The following TESPA1 variants were observed in gnomAD, a reference collection of about 807,000 sequenced individuals.
The protein encoded by TESPA1 is protein TESPA1.
In TESPA1, 33 loss-of-function variants were observed where a neutral mutation model predicts 57.9. The observed-to-expected ratio is 0.57, with a 90% CI of 0.43 to 0.76. The LOEUF (loss-of-function observed/expected upper bound fraction) is 0.76. TESPA1 is among the 30% of genes least tolerant of loss of function. The probability of loss-of-function intolerance (pLI) is 0.00; values close to 1 mark genes in which losing one functional copy is unlikely to be tolerated. For synonymous variants in TESPA1, 227 were observed against 228.9 expected, an observed-to-expected ratio of 0.99 and a Z score of 0.07; for missense variants, 618 against 632.9, an observed-to-expected ratio of 0.98 and a Z score of 0.25.
intron 1 of TESPA1, among the ~76,000 whole-genome samples, chr12:54,980,499 T>C (rs1375264229): frequency 6.6e-6 from 1 of 152,160 alleles, no homozygotes; most frequent in Non-Finnish European, 1.5e-5. Context: ...CACAGAGCAA[T>C]GAGAGCTGAT....
chr12:54,979,861 G>A (rs1219158349), intron 1 of TESPA1, among the ~76,000 whole-genome samples: 1 of 152,108 alleles, frequency 6.6e-6, no homozygotes, highest in Admixed American at 6.5e-5. Context: ...CATTGACACG[G>A]GCAAGTCAAA....
intron 1 of TESPA1, among the ~76,000 whole-genome samples, chr12:54,979,965 T>C (rs1321916979): frequency 5.9e-5 from 9 of 152,170 alleles, no homozygotes; most frequent in Admixed American, 4.6e-4. Context: ...TGACAACCAC[T>C]TTAGAGCTGA....
chr12:54,955,456 T>C (rs1293766572), intron 10 of TESPA1, among the ~76,000 whole-genome samples: 1 of 152,204 alleles, frequency 6.6e-6, no homozygotes, highest in Non-Finnish European at 1.5e-5. Context: ...GTCTTAAAAA[T>C]ATGAGGTTTA....
intron 10 of TESPA1, among the ~76,000 whole-genome samples, chr12:54,954,375 T>A (rs1423468166): frequency 1.3e-5 from 2 of 152,240 alleles, no homozygotes; most frequent in East Asian, 3.8e-4. Flanking sequence ...TTCTGTATCT[T>A]CTTTTCTCTT....
At chr12:54,950,753 T>C (rs1950334396) in intron 10 of TESPA1, among the ~76,000 whole-genome samples, 1 of 152,316 alleles carries the variant, frequency 6.6e-6, no homozygotes, top group Admixed American at 6.5e-5. Flanking sequence ...CAACTAGCAA[T>C]GCATTTTCTA....
Position 54,966,067 on chromosome 12 carries a change from G to A in TESPA1, c.432C>T (p.Asn144=), listed in dbSNP as rs971571612. Residue 144 remains asparagine, a synonymous_variant, in exon 7 of 11, where the codon AAC becomes AAT. Coordinates refer to ENST00000449076, the MANE Select transcript of TESPA1 (RefSeq NM_001136030.3). ...LASSSMTGGT[N]KTSSSISEIL... ...TCAGTACCTACCTTGAACTAGTCTT[G>A]TTGGTCCCCCCAGTCATGCTGCTGG... The A allele has an allele frequency of 6.4e-7, 1 of 1,574,552 alleles. No individual in the cohort carries two copies. Among genetic ancestry groups the A allele is most frequent in the Non-Finnish European group, 8.6e-7 (1 of 1,158,864 alleles).
upstream of TESPA1, among the ~76,000 whole-genome samples, chr12:54,984,970 A>T (rs553542162): frequency 1.3e-4 from 20 of 152,348 alleles, no homozygotes; most frequent in Non-Finnish European, 2.4e-4. Context: ...GCAAAGGTAC[A>T]GTCCATTTAA....
intron 2 of TESPA1, 89 bp from the exon 3 acceptor site, chr12:54,973,608 T>C: frequency 6.2e-7 from 1 of 1,604,200 alleles, no homozygotes; most frequent in Non-Finnish European, 8.5e-7. Flanking sequence ...AGTTTATTCT[T>C]ACATAAGCTG....
At chr12:54,955,737 C>T (rs1383916945) in intron 10 of TESPA1, among the ~76,000 whole-genome samples, 1 of 152,132 alleles carries the variant, frequency 6.6e-6, no homozygotes, top group Admixed American at 6.5e-5. Context: ...ATAAAACTTT[C>T]TTTCTTTTAC....
chr12:54,967,256 G>C lies in TESPA1; in HGVS notation c.257-20C>G. 6.2e-7 allele frequency: 1 copy of C among 1,611,054 alleles called. No individual in the cohort carries two copies. The highest frequency in any genetic ancestry group is 8.5e-7 in the Non-Finnish European group (1 of 1,178,986). ...AGAAGCCTGTCCAATAATCAGGTGA[G>C]GGTCACAGAAAACCAGGATGGAACA... is the stretch of plus-strand genomic sequence containing the variant. On this transcript the variant is annotated intron_variant, in intron 4 of 10. Coordinates refer to ENST00000449076, the MANE Select transcript of TESPA1 (RefSeq NM_001136030.3).
At chr12:54,957,773 A>G (rs1379185486) in intron 10 of TESPA1, among the ~76,000 whole-genome samples, 1 of 152,256 alleles carries the variant, frequency 6.6e-6, no homozygotes, top group Non-Finnish European at 1.5e-5. Flanking sequence ...CATTTAATTT[A>G]TAAAGTTATG....
chr12:54,964,560 T>G (rs1450860117), intron 7 of TESPA1, among the ~76,000 whole-genome samples: 1 of 152,240 alleles, frequency 6.6e-6, no homozygotes, highest in African/African-American at 2.4e-5. Context: ...GATTTATGTC[T>G]AAATCGGAGT....
At position 54,966,099 on chromosome 12, in the gene TESPA1, A is replaced by T; in HGVS notation, c.400T>A (p.Leu134Met). The change falls in exon 7 of 11, where the codon TTG (leucine) becomes ATG (methionine). Residue 134 changes from leucine to methionine, a missense_variant. Transcript: ENST00000449076. ...PCQLLDLGCS[L>M]ASSSMTGGTN... ...CCCCCAGTCATGCTGCTGGAAGCCA[A>T]ACTACAGCCAAGATCAAGTAGCTGG... The T allele has an allele frequency of 6.3e-7, 1 of 1,578,396 alleles. No homozygotes were observed. Among genetic ancestry groups the T allele is most frequent in the Non-Finnish European group, 8.6e-7 (1 of 1,161,040 alleles).
At chr12:54,953,815 C>T (rs185206786) in intron 10 of TESPA1, among the ~76,000 whole-genome samples, 107 of 152,122 alleles carry the variant, frequency 7.0e-4, no homozygotes, top group Non-Finnish European at 1.3e-3. Flanking sequence ...CCACCGTGCC[C>T]GGCCTACCTT....
In TESPA1 at chr12:54,966,170, A is replaced by T. The variant is rs1325358874; in HGVS notation, c.348-19T>A. The T allele has an allele frequency of 1.9e-6, 3 of 1,563,812 alleles. No individual in the cohort carries two copies. Among genetic ancestry groups the T allele is most frequent in the Non-Finnish European group, 2.6e-6 (3 of 1,153,570 alleles). ...GAAACTCCTGCAGAGATCAAAGCTG[A>T]TGTCATACAAATCTTGTTTCCAGTC... On this transcript the variant is annotated intron_variant, in intron 6 of 10. Coordinates refer to ENST00000449076, the MANE Select transcript of TESPA1 (RefSeq NM_001136030.3).
At chr12:54,953,664 A>G (rs1249320288) in intron 10 of TESPA1, among the ~76,000 whole-genome samples, 1 of 148,664 alleles carries the variant, frequency 6.7e-6, no homozygotes, top group South Asian at 2.1e-4. Context: ...GACTACAGGG[A>G]CCCGCCACTA....
Position 54,963,258 on chromosome 12 carries a change from A to C in TESPA1, c.656-16T>G. The C allele has an allele frequency of 6.3e-7, 1 of 1,594,982 alleles. No individual in the cohort carries two copies. Among genetic ancestry groups the C allele is most frequent in the Non-Finnish European group, 8.5e-7 (1 of 1,170,338 alleles). On this transcript the variant is annotated splice_polypyrimidine_tract_variant and intron_variant, in intron 8 of 10. Transcript: ENST00000449076. ...TTAAACCTGCCTGGGTACAAGAGTTAAAGATGGTAAGTCTGGGGTTCATCA... is the reference window on the plus strand; with the variant it reads ...TTAAACCTGCCTGGGTACAAGAGTTCAAGATGGTAAGTCTGGGGTTCATCA...
Position 54,962,761 on chromosome 12 carries a change from G to T in TESPA1, c.1137C>A (p.Ser379=). 1 of 1,613,882 alleles carries T rather than the reference G, an allele frequency of 6.2e-7. No individual in the cohort carries two copies. The highest frequency in any genetic ancestry group is 1.1e-5 in the South Asian group (1 of 91,074). ...QQRMSTVLAP[S]QTLDSNPKVP... is the part of the protein sequence containing the mutation. ...CCTTGGGGTTCGAATCCAGAGTTTG[G>T]GATGGTGCTAGCACTGTGGACATCC... is the stretch of plus-strand genomic sequence containing the variant. The change falls in exon 9 of 11, where the codon TCC becomes TCA. Residue 379 remains serine (S), a synonymous_variant. Transcript: ENST00000449076.
intron 1 of TESPA1, among the ~76,000 whole-genome samples, chr12:54,983,737 A>C (rs1952404381): frequency 6.6e-6 from 1 of 152,166 alleles, no homozygotes; most frequent in Admixed American, 6.5e-5. Flanking sequence ...TTAGTGGCAC[A>C]GAAGGGGCAT....
Sources: allele counts gnomAD v4.1 joint callset (sites outside exome capture counted in the v4.1 genomes callset), GRCh38; gene constraint gnomAD v4.1.1; transcripts MANE v1.5; gene names NCBI Gene and HGNC (gene_info 2026-07-23, HGNC 2026-07-21).